The following GRID2 variants were observed in gnomAD, a reference collection of about 807,000 sequenced individuals.
GRID2 encodes the protein glutamate receptor ionotropic, delta-2.
A neutral mutation model predicts 114.8 loss-of-function variants in GRID2; 33 were observed. The observed-to-expected ratio is 0.29, with a 90% confidence interval of 0.22 to 0.38. The LOEUF (loss-of-function observed/expected upper bound fraction) is 0.38. Among genes scored for constraint, GRID2 ranks in the 10% least tolerant of loss-of-function variants. GRID2 has a pLI of 1.00. For synonymous variants in GRID2, 505 were observed against 449.9 expected (o/e 1.12, Z -1.55); for missense variants, 1,184 against 1,257.7 (o/e 0.94, Z 0.89).
At chr4:93,659,339 A>T (rs866191492) in intron 14 of GRID2, among the ~76,000 whole-genome samples, 2 of 152,194 alleles carry the variant, frequency 1.3e-5, no homozygotes, top group African/African-American at 4.8e-5. Context: ...GCTTGTTTAT[A>T]AAGTTGTCGT....
At chr4:92,861,676 C>G (rs1395032351) in intron 2 of GRID2, among the ~76,000 whole-genome samples, 2 of 151,962 alleles carry the variant, frequency 1.3e-5, no homozygotes, top group African/African-American at 4.8e-5. Flanking sequence ...TAACCCTTCC[C>G]TGGACTACAC....
chr4:93,740,214 A>G (rs1033699664), intron 14 of GRID2, among the ~76,000 whole-genome samples: 2 of 152,236 alleles, frequency 1.3e-5, no homozygotes, highest in African/African-American at 2.4e-5. Flanking sequence ...GCTACACTGT[A>G]TAGCCTATGT....
At chr4:92,624,020 T>G (rs1730401749) in intron 2 of GRID2, among the ~76,000 whole-genome samples, 1 of 151,850 alleles carries the variant, frequency 6.6e-6, no homozygotes. Flanking sequence ...TATTATAGAC[T>G]GCAGAACATA....
At chr4:92,347,155 G>A (rs1560579232) in intron 1 of GRID2, among the ~76,000 whole-genome samples, 1 of 152,156 alleles carries the variant, frequency 6.6e-6, no homozygotes, top group African/African-American at 2.4e-5. Context: ...TTGCCAAGCT[G>A]GTGTCAGCTT....
At chr4:92,409,506 A>G (rs1395994727) in intron 1 of GRID2, among the ~76,000 whole-genome samples, 1 of 152,122 alleles carries the variant, frequency 6.6e-6, no homozygotes, top group Non-Finnish European at 1.5e-5. Context: ...AATATATAGT[A>G]TTACTTTTAT....
intron 2 of GRID2, among the ~76,000 whole-genome samples, chr4:92,630,187 G>A (rs528413648): frequency 3.3e-5 from 5 of 152,128 alleles, no homozygotes; most frequent in East Asian, 1.9e-4. Flanking sequence ...TGGTGTAGCC[G>A]TTATCTACTG....
chr4:92,422,841 G>T (rs569698755), intron 1 of GRID2, among the ~76,000 whole-genome samples: 1 of 152,268 alleles, frequency 6.6e-6, no homozygotes, highest in African/African-American at 2.4e-5. Flanking sequence ...GATTTGTTTT[G>T]GGAAAGAACT....
chr4:92,769,999 A>T (rs199673067), intron 2 of GRID2, among the ~76,000 whole-genome samples: 13,260 of 152,130 alleles, frequency 0.087, 662 homozygotes, highest in African/African-American at 0.14. Flanking sequence ...ATGAGATTTA[A>T]TTTCTATTGC....
intron 9 of GRID2, among the ~76,000 whole-genome samples, chr4:93,399,498 G>C (rs1765673660): frequency 6.6e-6 from 1 of 152,046 alleles, no homozygotes; most frequent in African/African-American, 2.4e-5. Flanking sequence ...AGGTATTATT[G>C]ACGAAGATGT....
intron 1 of GRID2, among the ~76,000 whole-genome samples, chr4:92,563,106 T>G (rs1017019995): frequency 6.6e-6 from 1 of 152,168 alleles, no homozygotes; most frequent in Non-Finnish European, 1.5e-5. Context: ...GTAACTATTA[T>G]CAGAGTGATT....
intron 1 of GRID2, among the ~76,000 whole-genome samples, chr4:92,583,888 CATAT>C (rs143917172): frequency 6.1e-5 from 9 of 146,884 alleles, no homozygotes; most frequent in East Asian, 2.0e-4. Context: ...TGCATATGTG[CATAT>C]ATATGTGTAT....
chr4:92,608,545 G>A, intron 2 of GRID2, among the ~76,000 whole-genome samples: 1 of 151,834 alleles, frequency 6.6e-6, no homozygotes, highest in East Asian at 1.9e-4. Context: ...TGCTATGCAT[G>A]TGTATTAACT....
At chr4:92,940,523 T>C (rs1020219545) in intron 2 of GRID2, among the ~76,000 whole-genome samples, 2 of 152,166 alleles carry the variant, frequency 1.3e-5, no homozygotes, top group Admixed American at 6.6e-5. Context: ...ACAGGGACAA[T>C]CTGACTTCCT....
chr4:92,726,696 T>C (rs1419890832), intron 2 of GRID2, among the ~76,000 whole-genome samples: 1 of 152,160 alleles, frequency 6.6e-6, no homozygotes, highest in Non-Finnish European at 1.5e-5. Flanking sequence ...TTGAGTCAGA[T>C]AGCCCATCTT....
Position 93,774,285 on chromosome 4 carries a change from T to C in GRID2, c.*1787T>C, listed in dbSNP as rs563328960. 1 of 152,180 alleles carries C rather than the reference T, an allele frequency of 6.6e-6. No homozygotes were observed. The highest frequency in any genetic ancestry group is 1.5e-5 in the Non-Finnish European group (1 of 67,952). 9.4% of individuals were successfully genotyped at this position (152,180 alleles called of 1,614,324 possible). A position where few individuals can be genotyped will look rare whatever the true frequency, so the allele number is the denominator to read the frequency against. ...AGTAACTAAGTGCATGCACAACTTG[T>C]TTTCCCTTGTAACATTCATGATCTC... On this transcript the variant is annotated 3_prime_UTR_variant, in exon 16 of 16. Transcript: ENST00000282020.
intron 1 of GRID2, among the ~76,000 whole-genome samples, chr4:93,792,680 A>G (rs1211996428): frequency 6.6e-6 from 1 of 152,202 alleles, no homozygotes; most frequent in African/African-American, 2.4e-5. Context: ...TTGGAACATC[A>G]GGTCCAAATA....
intron 4 of GRID2, among the ~76,000 whole-genome samples, chr4:93,202,609 C>A (rs1304118015): frequency 1.3e-5 from 2 of 152,026 alleles, no homozygotes; most frequent in African/African-American, 4.8e-5. Flanking sequence ...GTTAGTAATG[C>A]CACTAGTGTG....
intron 14 of GRID2, among the ~76,000 whole-genome samples, chr4:93,703,488 A>G (rs1045628830): frequency 2.0e-5 from 3 of 151,844 alleles, no homozygotes; most frequent in African/African-American, 7.3e-5. Flanking sequence ...CAAATACTAG[A>G]TCGTATTTAT....
chr4:92,520,117 T>C, intron 1 of GRID2, among the ~76,000 whole-genome samples: 1 of 151,866 alleles, frequency 6.6e-6, no homozygotes, highest in East Asian at 2.0e-4. Flanking sequence ...TCATACTTAA[T>C]CTCCAAATGA....
Sources: gnomAD v4.1 joint callset for allele counts (sites outside exome capture counted in the v4.1 genomes callset) on GRCh38, gnomAD v4.1.1 for gene constraint, MANE v1.5 for transcripts, NCBI Gene and HGNC (gene_info 2026-07-23, HGNC 2026-07-21) for gene names.